The following TRRAP variants were observed in gnomAD, a reference collection of about 807,000 sequenced individuals.
The protein encoded by TRRAP is transformation/transcription domain associated protein, also known as transformation/transcription domain-associated protein.
A neutral mutation model predicts 438.8 loss-of-function variants in TRRAP; 41 were observed. That is an observed-to-expected ratio of 0.09 (90% confidence interval 0.07 to 0.12). TRRAP has a LOEUF of 0.12. TRRAP is among the 10% of genes least tolerant of loss of function. The pLI is 1.00. For synonymous variants in TRRAP, 1,994 were observed against 1,962.9 expected (o/e 1.02, Z -0.42); for missense variants, 3,122 against 5,055.1 (o/e 0.62, Z 11.60).
rs781962020 is a variant in TRRAP at position 98,903,521 on chromosome 7, C to T, written c.1036+4C>T. On this transcript the variant is annotated splice_donor_region_variant and intron_variant, in intron 12 of 72. Transcript: ENST00000456197. Reference sequence around the variant, plus strand: ...CTCACCACAGAGCTGAGAAACCGTACGTCCAGCCTGTCTTGTCTTGAATGC... The same window carrying T: ...CTCACCACAGAGCTGAGAAACCGTATGTCCAGCCTGTCTTGTCTTGAATGC... 3.5e-5 allele frequency: 57 copies of T among 1,613,882 alleles called. No individual in the cohort carries two copies. Among genetic ancestry groups the T allele is most frequent in the Middle Eastern group, 1.6e-4 (1 of 6,064 alleles).
chr7:98,931,702 C>T, intron 26 of TRRAP, 37 bp downstream of exon 26: 1 of 1,589,764 alleles, frequency 6.3e-7, no homozygotes. Context: ...GTAATTTCAA[C>T]AAAACTTTTG....
intron 40 of TRRAP, among the ~76,000 whole-genome samples, chr7:98,954,887 A>G (rs976923486): frequency 3.3e-5 from 5 of 152,226 alleles, no homozygotes; most frequent in Admixed American, 3.3e-4. Context: ...CAGCACGGGC[A>G]CGTAGTAGGT....
At chr7:98,953,125 G>T in intron 39 of TRRAP, 42 bp from the exon 40 acceptor site, 3 of 1,589,372 alleles carry the variant, frequency 1.9e-6, no homozygotes, top group Non-Finnish European at 2.6e-6. Flanking sequence ...CAGTAACCCA[G>T]TTCACAACTG....
At chr7:98,983,556 T>G (rs57779646) in intron 60 of TRRAP, 97 bp downstream of exon 60, 15 of 1,385,506 alleles carry the variant, frequency 1.1e-5, no homozygotes, top group African/African-American at 2.9e-5. Context: ...TTTGGTTTGG[T>G]TTTTTTTTCC....
chr7:98,901,777 G>T (rs1796480823), intron 11 of TRRAP, among the ~76,000 whole-genome samples: 1 of 152,140 alleles, frequency 6.6e-6, no homozygotes, highest in Non-Finnish European at 1.5e-5. Flanking sequence ...TTGAACCCCT[G>T]GCCTCAAGTG....
Position 98,953,277 on chromosome 7 carries a change from C to T in TRRAP, c.5574C>T (p.Asn1858=). The stretch of plus-strand genomic sequence containing the variant: ...CCCCCCACCACATCCATGACAACAA[C>T]AAGAACCGCAACAGCAAGCTGCGCC... ...EHAPHHIHDN[N]KNRNSKLRRL... Residue 1858 remains asparagine (N), a synonymous_variant, in exon 40 of 73, where the codon AAC becomes AAT. Transcript: ENST00000456197. 3 of 1,613,944 alleles carry T rather than the reference C, an allele frequency of 1.9e-6. No homozygotes were observed. The highest frequency in any genetic ancestry group is 1.7e-6 in the Non-Finnish European group (2 of 1,180,024).
chr7:98,973,335 G>C (rs1167172613), intron 53 of TRRAP, among the ~76,000 whole-genome samples: 1 of 152,140 alleles, frequency 6.6e-6, no homozygotes, highest in East Asian at 1.9e-4. Context: ...GAAGCCCAAG[G>C]CCTCCTTTGG....
chr7:98,881,376 T>C lies in TRRAP; in HGVS notation c.100+126T>C, dbSNP rs1795421222. Reference sequence around the variant, plus strand: ...TCACCTGATGTCAGGAGTTTGGGACTAGCCTGGCCAACATGGTGAAACCAC... The same window carrying C: ...TCACCTGATGTCAGGAGTTTGGGACCAGCCTGGCCAACATGGTGAAACCAC... On this transcript the variant is annotated intron_variant, in intron 2 of 72. Coordinates refer to ENST00000456197, the MANE Select transcript of TRRAP (RefSeq NM_001375524.1). 2.2e-5 allele frequency: 17 copies of C among 783,300 alleles called. No homozygotes were observed. In the South Asian group the frequency reaches 3.9e-4, roughly 18 times the overall value. The allele number at this position is 783,300 out of a possible 1,614,324, so 48.5% of individuals were successfully genotyped here. A position where few individuals can be genotyped will look rare whatever the true frequency, so the allele number is the denominator to read the frequency against.
intron 20 of TRRAP, among the ~76,000 whole-genome samples, chr7:98,918,414 G>A (rs1180685504): frequency 6.6e-6 from 1 of 151,682 alleles, no homozygotes; most frequent in Non-Finnish European, 1.5e-5. Context: ...TATTTTAGTA[G>A]AGATGGGGTT....
At position 98,959,273 on chromosome 7, in the gene TRRAP, C is replaced by T. The variant is rs531905964; in HGVS notation, c.6343-71C>T. ...TGTAAGGGCCAGGGCACAGTTGAGA[C>T]GTGCTGTCACTGGAATGACTGTAAA... On this transcript the variant is annotated intron_variant, in intron 44 of 72. Transcript: ENST00000456197. 7.1e-5 allele frequency: 112 copies of T among 1,577,456 alleles called. No homozygotes were observed. In the African/African-American group the frequency reaches 1.2e-3, roughly 16 times the overall value.
Position 98,978,871 on chromosome 7 carries a change from C to G in TRRAP, c.8601C>G (p.Ser2867=), listed in dbSNP as rs1792784082. 1 of 1,614,156 alleles carries G rather than the reference C, an allele frequency of 6.2e-7. No individual in the cohort carries two copies. The highest frequency in any genetic ancestry group is 1.3e-5 in the African/African-American group (1 of 75,064). Residue 2867 remains serine, a synonymous_variant, in exon 58 of 73, where the codon TCC becomes TCG. Transcript: ENST00000456197. ...TCCTGGAGTGCGCCTGGCGGGTGTC[C>G]AACTGGACTGCCATGAAGGAGGCGC... ...YLVLECAWRV[S]NWTAMKEALV...
intron 70 of TRRAP, among the ~76,000 whole-genome samples, chr7:99,010,752 G>A (rs555698264): frequency 6.6e-6 from 1 of 152,290 alleles, no homozygotes. Context: ...CAGCAAGGGT[G>A]GAAATGTTCA....
intron 21 of TRRAP, among the ~76,000 whole-genome samples, chr7:98,922,483 T>A (rs1441076129): frequency 6.6e-6 from 1 of 152,132 alleles, no homozygotes. Context: ...CTGTCTGTGT[T>A]GAACACCCAC....
At chr7:98,938,551 G>C (rs1790657348) in intron 30 of TRRAP, among the ~76,000 whole-genome samples, 1 of 76,030 alleles carries the variant, frequency 1.3e-5, no homozygotes, top group Non-Finnish European at 4.4e-5. Flanking sequence ...CCTATAAAAG[G>C]GGGTACAATA....
At chr7:98,990,212 A>G (rs1054911032) in intron 63 of TRRAP, among the ~76,000 whole-genome samples, 1 of 152,214 alleles carries the variant, frequency 6.6e-6, no homozygotes, top group African/African-American at 2.4e-5. Flanking sequence ...CTGGGTGACA[A>G]AGCAAGACTG....
intron 33 of TRRAP, among the ~76,000 whole-genome samples, chr7:98,947,130 A>T (rs1417664612): frequency 6.6e-6 from 1 of 152,252 alleles, no homozygotes; most frequent in Non-Finnish European, 1.5e-5. Flanking sequence ...GCAGCACGGC[A>T]CATTGGAACG....
In TRRAP at chr7:98,976,320, G is replaced by C; in HGVS notation, c.7959+52G>C. Reference sequence around the variant, plus strand: ...TGGAAAATTGTAGTTTTAGCTTTTGGTAAGTATTCATAAAAGAACACAGTC... The same window carrying C: ...TGGAAAATTGTAGTTTTAGCTTTTGCTAAGTATTCATAAAAGAACACAGTC... On this transcript the variant is annotated intron_variant, in intron 54 of 72. Coordinates refer to ENST00000456197, the MANE Select transcript of TRRAP (RefSeq NM_001375524.1). The surrounding 1 kb of genome is among the most constrained non-coding windows in gnomAD (Gnocchi z 4.6). The C allele has an allele frequency of 1.9e-6, 3 of 1,606,926 alleles. No individual in the cohort carries two copies. The highest frequency in any genetic ancestry group is 2.5e-6 in the Non-Finnish European group (3 of 1,176,768).
chr7:99,008,634 G>A (rs947036326), intron 70 of TRRAP, 73 bp downstream of exon 70: 8 of 1,519,376 alleles, frequency 5.3e-6, no homozygotes, highest in African/African-American at 2.8e-5. Flanking sequence ...CCTGGAGACA[G>A]GGGTGTTTAG....
At chr7:98,881,823 G>T (rs1795451586) in intron 2 of TRRAP, 152 bp from the exon 3 acceptor site, 2 of 715,242 alleles carry the variant, frequency 2.8e-6, no homozygotes, top group Non-Finnish European at 2.3e-6. Flanking sequence ...GCGACTGGTT[G>T]TAGGGAACTA....
Sources: allele counts gnomAD v4.1 joint callset (sites outside exome capture counted in the v4.1 genomes callset), GRCh38; gene constraint gnomAD v4.1.1; non-coding constraint Gnocchi (gnomAD v3.1); transcripts MANE v1.5; gene names NCBI Gene and HGNC (gene_info 2026-07-23, HGNC 2026-07-21).